Variants in RGS7 observed in about 807,000 individuals in gnomAD.
RGS7 encodes regulator of G protein signaling 7.
In RGS7, 27 loss-of-function variants were observed where a neutral mutation model predicts 81.1. That is an observed-to-expected ratio of 0.33 (90% CI 0.25 to 0.46). RGS7 has a LOEUF of 0.46. RGS7 is among the 20% of genes least tolerant of loss of function. The pLI, the probability that RGS7 is intolerant of heterozygous loss-of-function variation, is 1.00. For synonymous variants in RGS7, 208 were observed against 207.7 expected (o/e 1.00, Z -0.01); for missense variants, 396 against 607.4 (o/e 0.65, Z 3.66).
intron 2 of RGS7, among the ~76,000 whole-genome samples, chr1:241,281,017 A>G (rs1386180570): frequency 6.6e-6 from 1 of 152,322 alleles, no homozygotes; most frequent in Non-Finnish European, 1.5e-5. Flanking sequence ...GACAATTTCA[A>G]AGCTCACAGA....
chr1:240,971,628 G>A (rs3893177), intron 4 of RGS7, among the ~76,000 whole-genome samples: 61,955 of 151,656 alleles, frequency 0.41, 13,119 homozygotes, highest in East Asian at 0.67. Context: ...ACGTTTGCAA[G>A]ATGAATGTTT....
chr1:241,347,173 T>C (rs1286829624), intron 2 of RGS7, among the ~76,000 whole-genome samples: 1 of 152,110 alleles, frequency 6.6e-6, no homozygotes, highest in East Asian at 1.9e-4. Flanking sequence ...AATGAGTAAA[T>C]GGAGGAAATC....
At chr1:241,308,851 A>C (rs2080332035) in intron 2 of RGS7, among the ~76,000 whole-genome samples, 4 of 152,110 alleles carry the variant, frequency 2.6e-5, no homozygotes, top group African/African-American at 9.7e-5. Context: ...TTTCCCCCCA[A>C]AATGTTTGAA....
chr1:241,090,695 T>G (rs2492992), intron 3 of RGS7, among the ~76,000 whole-genome samples: 29,688 of 152,098 alleles, frequency 0.2, 3,385 homozygotes, highest in African/African-American at 0.3. Context: ...CTCTGAATTA[T>G]AGAATTTATG....
intron 2 of RGS7, among the ~76,000 whole-genome samples, chr1:241,150,023 C>T (rs1214382408): frequency 6.6e-6 from 1 of 152,146 alleles, no homozygotes; most frequent in Non-Finnish European, 1.5e-5. Context: ...AACTGCCTGC[C>T]TCGGCTTCCC....
intron 4 of RGS7, among the ~76,000 whole-genome samples, chr1:240,982,818 T>C (rs1445802865): frequency 6.6e-6 from 1 of 152,194 alleles, no homozygotes; most frequent in Non-Finnish European, 1.5e-5. Flanking sequence ...ATACAGCTGA[T>C]CCAGTCTAAC....
intron 3 of RGS7, among the ~76,000 whole-genome samples, chr1:241,084,798 A>C (rs2063335567): frequency 6.6e-6 from 1 of 152,236 alleles, no homozygotes; most frequent in Admixed American, 6.5e-5. Context: ...AATGAAAAAT[A>C]CAAGACAGAA....
At chr1:241,242,516 T>C (rs2076315023) in intron 2 of RGS7, among the ~76,000 whole-genome samples, 2 of 152,248 alleles carry the variant, frequency 1.3e-5, no homozygotes, top group African/African-American at 4.8e-5. Context: ...CTGGATTCAA[T>C]GGTAGTTCTA....
chr1:240,915,697 A>T (rs561171689), intron 6 of RGS7, among the ~76,000 whole-genome samples: 1 of 152,320 alleles, frequency 6.6e-6, no homozygotes, highest in East Asian at 1.9e-4. Context: ...AACAAAAAAA[A>T]TTCCAAGGCA....
chr1:241,123,746 C>T (rs117965809), intron 2 of RGS7, among the ~76,000 whole-genome samples: 5,036 of 151,934 alleles, frequency 0.033, 259 homozygotes, highest in African/African-American at 0.11. Flanking sequence ...AGTGAAACTC[C>T]ATTTCAAAAA....
chr1:240,938,074 T>C (rs76626961), intron 4 of RGS7, among the ~76,000 whole-genome samples: 7,654 of 152,232 alleles, frequency 0.05, 207 homozygotes, highest in African/African-American at 0.069. Flanking sequence ...CAAAATAGTT[T>C]TCTACCCCAA....
chr1:241,044,830 T>A (rs1003437379), intron 3 of RGS7, among the ~76,000 whole-genome samples: 2 of 152,202 alleles, frequency 1.3e-5, no homozygotes, highest in Non-Finnish European at 2.9e-5. Flanking sequence ...TTCTCCCTTA[T>A]TAAATAAGTT....
chr1:241,194,371 G>C (rs933507538), intron 2 of RGS7, among the ~76,000 whole-genome samples: 1 of 152,134 alleles, frequency 6.6e-6, no homozygotes, highest in African/African-American at 2.4e-5. Context: ...CAGTATAATA[G>C]ACTCTTGGAC....
At chr1:240,998,442 A>C (rs1687627563) in intron 3 of RGS7, 1 of 769,944 alleles carries the variant, frequency 1.3e-6, no homozygotes, top group Non-Finnish European at 2.2e-6. Context: ...ATTATAAAAG[A>C]GGTTTCGTCA....
chr1:241,132,188 G>A (rs1187194070), intron 2 of RGS7: 1 of 154,524 alleles, frequency 6.5e-6, no homozygotes, highest in Non-Finnish European at 1.5e-5. Flanking sequence ...CATACACAGA[G>A]ATCATTAAAA....
intron 3 of RGS7, among the ~76,000 whole-genome samples, chr1:241,080,820 T>C (rs1320293087): frequency 6.6e-6 from 1 of 152,228 alleles, no homozygotes; most frequent in Non-Finnish European, 1.5e-5. Context: ...CTCTTTTATG[T>C]CTGAAAGCTT....
At chr1:240,970,247 G>A (rs541395800) in intron 4 of RGS7, among the ~76,000 whole-genome samples, 1 of 152,282 alleles carries the variant, frequency 6.6e-6, no homozygotes, top group South Asian at 2.1e-4. Context: ...CTTTATCAAC[G>A]GGAAAGATGG....
At chr1:241,189,655 T>C (rs2072434953) in intron 2 of RGS7, among the ~76,000 whole-genome samples, 1 of 152,272 alleles carries the variant, frequency 6.6e-6, no homozygotes, top group African/African-American at 2.4e-5. Flanking sequence ...TTTTACATTT[T>C]ACATTTAAGT....
intron 14 of RGS7, 148 bp downstream of exon 14, chr1:240,811,770 T>C: frequency 2.6e-6 from 2 of 760,916 alleles, no homozygotes; most frequent in Admixed American, 4.1e-5. Context: ...GCTATCTCTT[T>C]TCCCTTCATT....
Sources: allele counts gnomAD v4.1 joint callset (sites outside exome capture counted in the v4.1 genomes callset), GRCh38; gene constraint gnomAD v4.1.1; transcripts MANE v1.5; gene names NCBI Gene and HGNC (gene_info 2026-07-23, HGNC 2026-07-21).